ARMH4: variants seen among roughly 807,000 people sequenced by gnomAD.
ARMH4 encodes the protein armadillo-like helical domain-containing protein 4.
Under a neutral mutation model 61.9 loss-of-function variants are expected in ARMH4, and 49 were observed. That is an observed-to-expected ratio of 0.79 (90% CI 0.63 to 1.00). The LOEUF (loss-of-function observed/expected upper bound fraction) is 1.00, where lower values mean the gene tolerates loss of function less well. ARMH4 is among the 50% of genes least tolerant of loss of function. ARMH4 has a pLI of 0.00. For synonymous variants in ARMH4, 368 were observed against 341.5 expected (o/e 1.08, Z -0.85); for missense variants, 934 against 930.0 (o/e 1.00, Z -0.06).
At chr14:58,123,148 A>G (rs1196810191) in intron 4 of ARMH4, among the ~76,000 whole-genome samples, 1 of 152,106 alleles carries the variant, frequency 6.6e-6, no homozygotes, top group Non-Finnish European at 1.5e-5. Flanking sequence ...ACGCTTTTCT[A>G]ATTATGCCTG....
intron 5 of ARMH4, among the ~76,000 whole-genome samples, chr14:58,096,109 AAGAG>A (rs1029861540): frequency 6.6e-6 from 1 of 152,144 alleles, no homozygotes; most frequent in Non-Finnish European, 1.5e-5. Flanking sequence ...GGCCATGAAT[AAGAG>A]AGAGTGAGCA....
At chr14:58,129,832 T>C (rs976874086) in intron 4 of ARMH4, among the ~76,000 whole-genome samples, 6 of 152,132 alleles carry the variant, frequency 3.9e-5, no homozygotes, top group African/African-American at 1.4e-4. Context: ...GTAGCAAAAA[T>C]AATATCTTTT....
intron 5 of ARMH4, among the ~76,000 whole-genome samples, chr14:58,058,423 C>CTTGGCTATT (rs1215616729): frequency 1.3e-5 from 2 of 151,980 alleles, no homozygotes; most frequent in East Asian, 3.9e-4. Flanking sequence ...AGGGTTGCTG[C>CTTGGCTATT]TTGGCTATTT....
chr14:58,062,401 C>T (rs972827572), intron 5 of ARMH4, among the ~76,000 whole-genome samples: 2 of 152,108 alleles, frequency 1.3e-5, no homozygotes, highest in African/African-American at 2.4e-5. Flanking sequence ...GATTCCAACA[C>T]GTGGGCTCTA....
intron 1 of ARMH4, among the ~76,000 whole-genome samples, chr14:58,147,536 A>G (rs1375989397): frequency 2.0e-5 from 3 of 152,034 alleles, no homozygotes; most frequent in African/African-American, 7.2e-5. Context: ...GATGGTCTCA[A>G]TCTCTTGACC....
At chr14:58,133,951 C>T (rs1221042461) in intron 2 of ARMH4, among the ~76,000 whole-genome samples, 6 of 152,150 alleles carry the variant, frequency 3.9e-5, no homozygotes, top group Admixed American at 6.5e-5. Context: ...ATGCAGGTTC[C>T]AGAGCCAACC....
At chr14:58,048,521 A>C (rs765657825) in intron 5 of ARMH4, among the ~76,000 whole-genome samples, 9 of 152,346 alleles carry the variant, frequency 5.9e-5, no homozygotes, top group South Asian at 2.1e-4. Flanking sequence ...GGCTTTCTCC[A>C]GCCCTTCAAA....
intron 6 of ARMH4, among the ~76,000 whole-genome samples, chr14:58,005,625 A>G (rs539631524): frequency 6.6e-6 from 1 of 152,340 alleles, no homozygotes; most frequent in South Asian, 2.1e-4. Flanking sequence ...GCTGGGGGCT[A>G]AAAGGAGGGC....
intron 5 of ARMH4, among the ~76,000 whole-genome samples, chr14:58,052,720 C>T (rs1437574804): frequency 6.6e-6 from 1 of 152,172 alleles, no homozygotes; most frequent in East Asian, 1.9e-4. Flanking sequence ...CCCTAGACAT[C>T]ATCACCGACT....
chr14:58,032,944 T>C lies in ARMH4; in HGVS notation c.2090-20794A>G, dbSNP rs1302638311. ...TGATTGCTAGCACAGCAGTCTAAGA[T>C]CAAACTGCAAGGCGGCAACGAGGCT... On this transcript the variant is annotated intron_variant, in intron 5 of 7. Transcript: ENST00000267485. 1.1e-4 allele frequency among the ~76,000 whole-genome samples: 16 copies of C among 148,850 alleles called. No homozygotes were observed. The East Asian group carries it at 2.4e-3, about 22-fold the overall frequency.
At chr14:58,012,045 A>G in intron 6 of ARMH4, 74 bp downstream of exon 6, 2 of 1,062,436 alleles carry the variant, frequency 1.9e-6, no homozygotes, top group Non-Finnish European at 2.8e-6. Flanking sequence ...AAGCCCTACT[A>G]CTCTGAAGAT....
At chr14:58,040,137 T>C (rs545363840) in intron 5 of ARMH4, among the ~76,000 whole-genome samples, 44 of 152,250 alleles carry the variant, frequency 2.9e-4, no homozygotes, top group Non-Finnish European at 4.3e-4. Context: ...ATGAGAAAAA[T>C]TGGGTTCTTA....
chr14:58,127,747 T>C (rs949070222), intron 4 of ARMH4, among the ~76,000 whole-genome samples: 1 of 152,174 alleles, frequency 6.6e-6, no homozygotes, highest in African/African-American at 2.4e-5. Flanking sequence ...TTCCTGTCAC[T>C]GTATTCCTGT....
In ARMH4 at chr14:58,138,670, T is replaced by G. The variant is rs751132159; in HGVS notation, c.689A>C (p.Asp230Ala). Residue 230 changes from aspartate to alanine, a missense_variant, in exon 2 of 8, where the codon GAC (aspartate) becomes GCC (alanine). Physicochemically the swap from Asp to Ala is moderately radical, Grantham distance 126 (BLOSUM62 -2). Coordinates refer to ENST00000267485, the MANE Select transcript of ARMH4 (RefSeq NM_001001872.4). ...PKTEKFEADT[D>A]HRTTSFPGAE... Reference sequence around the variant, plus strand: ...ACCAGGAAAAGAAGTTGTCCTGTGGTCTGTGTCTGCTTCAAATTTCTCAGT... The same window carrying G: ...ACCAGGAAAAGAAGTTGTCCTGTGGGCTGTGTCTGCTTCAAATTTCTCAGT... The G allele has an allele frequency of 6.2e-7, 1 of 1,614,158 alleles. No homozygotes were observed. Among genetic ancestry groups the G allele is most frequent in the South Asian group, 1.1e-5 (1 of 91,082 alleles).
intron 4 of ARMH4, among the ~76,000 whole-genome samples, chr14:58,112,925 T>C (rs1275022363): frequency 6.6e-6 from 1 of 152,184 alleles, no homozygotes; most frequent in East Asian, 1.9e-4. Context: ...TCTCTCTTTG[T>C]CTTCATTGTT....
Position 58,133,333 on chromosome 14 carries a change from T to A in ARMH4, c.1378A>T (p.Thr460Ser). ...LLGNTMKDII[T>S]QEMTTAVQEP... ...TGAACAGCTGTTGTCATCTCTTGAG[T>A]GATGATGTCTTAAAGGGGGGAAAAC... Residue 460 changes from threonine to serine, a missense_variant, in exon 3 of 8, where the codon ACT (threonine) becomes TCT (serine). Coordinates refer to ENST00000267485, the MANE Select transcript of ARMH4 (RefSeq NM_001001872.4). The A allele has an allele frequency of 6.2e-7, 1 of 1,612,098 alleles. No individual in the cohort carries two copies. The highest frequency in any genetic ancestry group is 1.1e-5 in the South Asian group (1 of 90,970).
At chr14:58,094,061 G>A (rs1430105886) in intron 5 of ARMH4, among the ~76,000 whole-genome samples, 1 of 152,128 alleles carries the variant, frequency 6.6e-6, no homozygotes, top group Non-Finnish European at 1.5e-5. Flanking sequence ...TGGGCACGGT[G>A]GGTCATGCCT....
intron 1 of ARMH4, among the ~76,000 whole-genome samples, chr14:58,151,748 C>G (rs1887931715): frequency 2.0e-5 from 3 of 152,360 alleles, no homozygotes; most frequent in Admixed American, 6.5e-5. Context: ...ACAAAAGCAG[C>G]CAGCCCTGCA....
Position 58,141,248 on chromosome 14 carries a change from T to C in ARMH4, c.-56-1834A>G, listed in dbSNP as rs1380474855. 3.4e-5 allele frequency: 10 copies of C among 293,818 alleles called. No individual in the cohort carries two copies. The East Asian group carries it at 7.2e-4, about 21-fold the overall frequency. The allele number at this position is 293,818 out of a possible 1,614,324, so 18.2% of individuals were successfully genotyped here. The stretch of plus-strand genomic sequence containing the variant: ...AAAATATGTCTTTTAGCTCTTTTTC[T>C]TCAGCGAGGCGGCCGGGCTGCAGAC... On this transcript the variant is annotated intron_variant, in intron 1 of 7. Transcript: ENST00000267485.
Sources: gnomAD v4.1 joint callset for allele counts (sites outside exome capture counted in the v4.1 genomes callset) on GRCh38, gnomAD v4.1.1 for gene constraint, MANE v1.5 for transcripts, NCBI Gene and HGNC (gene_info 2026-07-23, HGNC 2026-07-21) for gene names.